The following SEMA3E variants were observed in gnomAD, a reference collection of about 807,000 sequenced individuals.
SEMA3E encodes the protein semaphorin 3E.
Under a neutral mutation model 93.6 loss-of-function variants are expected in SEMA3E, and 49 were observed. The observed-to-expected ratio is 0.52, with a 90% CI of 0.42 to 0.66. The LOEUF (loss-of-function observed/expected upper bound fraction) is 0.66. SEMA3E is among the 30% of genes least tolerant of loss of function. The pLI is 0.00. For missense variants in SEMA3E, 906 were observed against 964.8 expected, an observed-to-expected ratio of 0.94 and a Z score of 0.81; for synonymous variants, 363 against 330.7, an observed-to-expected ratio of 1.10 and a Z score of -1.06.
chr7:83,418,326 A>G, intron 5 of SEMA3E, 64 bp downstream of exon 5: 1 of 1,105,868 alleles, frequency 9.0e-7, no homozygotes, highest in East Asian at 2.5e-5. Context: ...ATGTAACTGA[A>G]GTTGAAATAT....
chr7:83,617,138 T>A (rs925472430), intron 1 of SEMA3E, among the ~76,000 whole-genome samples: 3 of 152,066 alleles, frequency 2.0e-5, no homozygotes, highest in African/African-American at 7.2e-5. Flanking sequence ...GAAAAATGTA[T>A]TTTGGAATAA....
intron 1 of SEMA3E, among the ~76,000 whole-genome samples, chr7:83,512,090 G>A (rs1453434160): frequency 6.6e-6 from 1 of 151,962 alleles, no homozygotes; most frequent in Non-Finnish European, 1.5e-5. Flanking sequence ...ATCATTTCAT[G>A]AATGCTAAGA....
chr7:83,387,839 GTTATATATATGTTTATATATATATAACA>G lies in SEMA3E; in HGVS notation c.1668-817_1668-790del, dbSNP rs565622470. Among the ~76,000 whole-genome samples, 226 of 139,876 alleles carry G rather than the reference GTTATATATATGTTTATATATATATAACA, an allele frequency of 1.6e-3. 4 individuals carry two copies. The South Asian group carries it at 0.025, about 15-fold the overall frequency. 91.8% of individuals were successfully genotyped at this position (139,876 alleles called of 152,430 possible). ...ATATATATGTTTATATATATATAACGTTATATATATGTTTATATATATATAACATTATATATATGTTTATATATATATA... is the reference window on the plus strand; with the variant it reads ...ATATATATGTTTATATATATATAACGTTATATATATGTTTATATATATATA... On this transcript the variant is annotated intron_variant, in intron 14 of 16. Transcript: ENST00000643230.
intron 1 of SEMA3E, among the ~76,000 whole-genome samples, chr7:83,629,426 G>A (rs1027772489): frequency 1.3e-5 from 2 of 152,192 alleles, no homozygotes; most frequent in African/African-American, 4.8e-5. Context: ...GTCCCAGGGA[G>A]ATGGGAGTTT....
intron 1 of SEMA3E, among the ~76,000 whole-genome samples, chr7:83,607,146 C>T (rs568800617): frequency 2.8e-4 from 42 of 152,222 alleles, no homozygotes; most frequent in Middle Eastern, 3.4e-3. Context: ...CATTTGAAAC[C>T]CCTAGTGTGA....
rs893633887 is a variant in SEMA3E at position 83,363,785 on chromosome 7, G to T, written c.*3801C>A. The T allele has an allele frequency of 1.3e-5, 2 of 148,800 alleles. No homozygotes were observed. Among genetic ancestry groups the T allele is most frequent in the African/African-American group, 2.5e-5 (1 of 40,198 alleles). 9.2% of individuals were successfully genotyped at this position (148,800 alleles called of 1,614,324 possible). On this transcript the variant is annotated 3_prime_UTR_variant, in exon 17 of 17. Transcript: ENST00000643230. The stretch of plus-strand genomic sequence containing the variant: ...ATTATAAATGTTGCATTTTCTCTTG[G>T]AATCCAAATATCTATACAATACTAA...
intron 5 of SEMA3E, among the ~76,000 whole-genome samples, chr7:83,417,119 C>G (rs1788564865): frequency 6.6e-6 from 1 of 151,106 alleles, no homozygotes; most frequent in Non-Finnish European, 1.5e-5. Flanking sequence ...CCTCTTTATT[C>G]AAGCCCCTGA....
intron 1 of SEMA3E, among the ~76,000 whole-genome samples, chr7:83,606,367 G>A (rs888339635): frequency 6.6e-6 from 1 of 151,914 alleles, no homozygotes; most frequent in Non-Finnish European, 1.5e-5. Context: ...CAACCCAAAT[G>A]TCCAACAATG....
chr7:83,380,980 A>G (rs1018744303), intron 16 of SEMA3E, among the ~76,000 whole-genome samples: 1 of 151,954 alleles, frequency 6.6e-6, no homozygotes, highest in African/African-American at 2.4e-5. Context: ...CTGGTCTTGA[A>G]GGCATGAACA....
At chr7:83,447,747 C>T (rs1187671715) in intron 4 of SEMA3E, among the ~76,000 whole-genome samples, 2 of 152,138 alleles carry the variant, frequency 1.3e-5, no homozygotes, top group Non-Finnish European at 2.9e-5. Flanking sequence ...ATGCTGGAGA[C>T]GATAGGCCAG....
intron 16 of SEMA3E, among the ~76,000 whole-genome samples, chr7:83,375,189 G>A (rs1298068077): frequency 6.6e-6 from 1 of 152,062 alleles, no homozygotes; most frequent in African/African-American, 2.4e-5. Flanking sequence ...AACTATAATT[G>A]AAGTAGAAAT....
At chr7:83,432,447 G>C (rs1788906318) in intron 4 of SEMA3E, among the ~76,000 whole-genome samples, 1 of 152,114 alleles carries the variant, frequency 6.6e-6, no homozygotes, top group Non-Finnish European at 1.5e-5. Context: ...TAACAGAGAT[G>C]TTCTCACACT....
At chr7:83,372,304 A>G (rs1794760191) in intron 16 of SEMA3E, 1 of 397,990 alleles carries the variant, frequency 2.5e-6, no homozygotes, top group African/African-American at 2.1e-5. Context: ...AAAAAAATGC[A>G]TACAAACATC....
At chr7:83,594,274 G>A (rs753337662) in intron 1 of SEMA3E, among the ~76,000 whole-genome samples, 1 of 152,056 alleles carries the variant, frequency 6.6e-6, no homozygotes. Context: ...TTGTGCAGCC[G>A]GCAGGAAGTT....
At chr7:83,406,713 A>G (rs2722982) in intron 7 of SEMA3E, among the ~76,000 whole-genome samples, 1 of 151,682 alleles carries the variant, frequency 6.6e-6, no homozygotes, top group African/African-American at 2.4e-5. Flanking sequence ...TGGCTTTTTT[A>G]AAAATAATTT....
In SEMA3E at chr7:83,648,418, G is replaced by A. The variant is rs773659852; in HGVS notation, c.115+10C>T. 2.0e-6 allele frequency: 3 copies of A among 1,517,338 alleles called. No individual in the cohort carries two copies. The highest frequency in any genetic ancestry group is 2.7e-6 in the Non-Finnish European group (3 of 1,095,450). The allele number at this position is 1,517,338 out of a possible 1,614,324, so 94.0% of individuals were successfully genotyped here. On this transcript the variant is annotated intron_variant, in intron 1 of 16. Transcript: ENST00000643230. Reference sequence around the variant, plus strand: ...TTTTTTAAACAAAAGGATCTGGAAAGGTAACCTACCTTTATGTGACAGGCG... The same window carrying A: ...TTTTTTAAACAAAAGGATCTGGAAAAGTAACCTACCTTTATGTGACAGGCG...
intron 1 of SEMA3E, among the ~76,000 whole-genome samples, chr7:83,603,552 A>T (rs1793042068): frequency 6.6e-6 from 1 of 152,162 alleles, no homozygotes; most frequent in Non-Finnish European, 1.5e-5. Flanking sequence ...AAAAAACTAG[A>T]TGCTACTGTA....
intron 1 of SEMA3E, among the ~76,000 whole-genome samples, chr7:83,534,326 T>C (rs1032187092): frequency 1.6e-4 from 25 of 152,218 alleles, no homozygotes; most frequent in Non-Finnish European, 3.1e-4. Flanking sequence ...GATTCCCATG[T>C]GTAGATAACT....
intron 1 of SEMA3E, among the ~76,000 whole-genome samples, chr7:83,500,328 A>G (rs1351196663): frequency 6.6e-6 from 1 of 151,916 alleles, no homozygotes; most frequent in East Asian, 2.0e-4. Flanking sequence ...CCCAGCTACT[A>G]GGGAGGCTGA....
Sources: allele counts gnomAD v4.1 joint callset (sites outside exome capture counted in the v4.1 genomes callset), GRCh38; gene constraint gnomAD v4.1.1; transcripts MANE v1.5; gene names NCBI Gene and HGNC (gene_info 2026-07-23, HGNC 2026-07-21).